The following ETNK1 variants were observed in gnomAD, a reference collection of about 807,000 sequenced individuals.
ETNK1 encodes the protein putative protein product of Nbla10396.
In ETNK1, 8 loss-of-function variants were observed where a neutral mutation model predicts 45.1. The ratio of observed to expected loss-of-function variants is 0.18; its 90% CI spans 0.10 to 0.32. The LOEUF (loss-of-function observed/expected upper bound fraction) is 0.32, where lower values mean the gene tolerates loss of function less well. Among genes scored for constraint, ETNK1 ranks in the 10% least tolerant of loss-of-function variants. The probability of loss-of-function intolerance (pLI) is 1.00; values close to 1 mark genes in which losing one functional copy is unlikely to be tolerated. For synonymous variants in ETNK1, 152 were observed against 151.9 expected (o/e 1.00, Z -0.01); for missense variants, 302 against 430.6 (o/e 0.70, Z 2.64).
chr12:22,665,001 A>G (rs1159107063), intron 4 of ETNK1, among the ~76,000 whole-genome samples: 1 of 152,168 alleles, frequency 6.6e-6, no homozygotes, highest in Non-Finnish European at 1.5e-5. Flanking sequence ...GTCTCTACAT[A>G]TATGTTTAAA....
At chr12:22,642,081 T>C (rs889356068) in intron 1 of ETNK1, among the ~76,000 whole-genome samples, 2 of 152,184 alleles carry the variant, frequency 1.3e-5, no homozygotes, top group Admixed American at 6.5e-5. Flanking sequence ...ATACGAGTTC[T>C]AGTGTTTAAG....
At chr12:22,639,482 G>T (rs1488527225) in intron 1 of ETNK1, among the ~76,000 whole-genome samples, 1 of 152,112 alleles carries the variant, frequency 6.6e-6, no homozygotes, top group Non-Finnish European at 1.5e-5. Context: ...CTCTAGACCA[G>T]CCTGGCCAAC....
chr12:22,678,679 G>A (rs1319228243), intron 6 of ETNK1, among the ~76,000 whole-genome samples: 1 of 152,226 alleles, frequency 6.6e-6, no homozygotes, highest in East Asian at 1.9e-4. Flanking sequence ...GATGAAAGCA[G>A]GAGAGGATTG....
In ETNK1 at chr12:22,643,907, C is replaced by G. The variant is rs1227016117; in HGVS notation, c.301C>G (p.Gln101Glu). The change falls in exon 2 of 8, where the codon CAG (glutamine) becomes GAG (glutamate). Residue 101 changes from glutamine to glutamate, a missense_variant. Transcript: ENST00000266517. ...DEEVKSFRVL[Q>E]AHGCAPQLYC... Reference sequence around the variant, plus strand: ...GGAAGTAAAGAGTTTTCGAGTGTTGCAGGCTCATGGGTGTGCACCACAACT... The same window carrying G: ...GGAAGTAAAGAGTTTTCGAGTGTTGGAGGCTCATGGGTGTGCACCACAACT... 3.1e-6 allele frequency: 5 copies of G among 1,613,318 alleles called. No homozygotes were observed. The highest frequency in any genetic ancestry group is 4.2e-6 in the Non-Finnish European group (5 of 1,179,540).
At chr12:22,659,227 T>C in intron 3 of ETNK1, 73 bp downstream of exon 3, 2 of 1,407,850 alleles carry the variant, frequency 1.4e-6, no homozygotes, top group African/African-American at 1.4e-5. Flanking sequence ...AAGGTAATTG[T>C]AAAGTTTCAT....
chr12:22,667,795 CAT>C (rs1366341896), intron 4 of ETNK1, among the ~76,000 whole-genome samples: 2 of 152,094 alleles, frequency 1.3e-5, no homozygotes, highest in African/African-American at 4.8e-5. Context: ...ACAAACATGT[CAT>C]GTGATAATTA....
chr12:22,626,472 C>G (rs1231264022), intron 1 of ETNK1, among the ~76,000 whole-genome samples: 1 of 151,930 alleles, frequency 6.6e-6, no homozygotes, highest in Non-Finnish European at 1.5e-5. Context: ...GGGATTTGTT[C>G]TAAATCTGAG....
At chr12:22,669,350 C>T (rs1378756182) in intron 4 of ETNK1, among the ~76,000 whole-genome samples, 1 of 151,810 alleles carries the variant, frequency 6.6e-6, no homozygotes, top group Non-Finnish European at 1.5e-5. Flanking sequence ...AAAAAAGTCA[C>T]TTGTCTATCA....
chr12:22,650,883 T>A (rs1341667875), intron 2 of ETNK1, among the ~76,000 whole-genome samples: 1 of 152,176 alleles, frequency 6.6e-6, no homozygotes, highest in African/African-American at 2.4e-5. Flanking sequence ...ATTTGATTTG[T>A]TTATAGTTGT....
At chr12:22,668,276 T>C (rs1283304602) in intron 4 of ETNK1, among the ~76,000 whole-genome samples, 5 of 152,220 alleles carry the variant, frequency 3.3e-5, no homozygotes, top group Admixed American at 3.3e-4. Context: ...AGCTAGTTAA[T>C]TATTAATGCT....
intron 2 of ETNK1, among the ~76,000 whole-genome samples, chr12:22,651,376 T>G (rs1953872390): frequency 6.6e-6 from 1 of 152,208 alleles, no homozygotes; most frequent in South Asian, 2.1e-4. Context: ...AGCCCTTTTC[T>G]ACTGGCACAG....
intron 1 of ETNK1, among the ~76,000 whole-genome samples, chr12:22,634,794 A>G (rs537025372): frequency 9.2e-5 from 14 of 152,262 alleles, no homozygotes; most frequent in African/African-American, 3.1e-4. Context: ...AGTTCAAGTA[A>G]TCTGCTCACC....
At chr12:22,673,958 A>G (rs1954136635) in intron 6 of ETNK1, among the ~76,000 whole-genome samples, 2 of 152,202 alleles carry the variant, frequency 1.3e-5, no homozygotes. Context: ...TTGATGCATA[A>G]AACAATTTCT....
At chr12:22,632,313 C>A (rs958009570) in intron 1 of ETNK1, among the ~76,000 whole-genome samples, 1 of 151,892 alleles carries the variant, frequency 6.6e-6, no homozygotes, top group Non-Finnish European at 1.5e-5. Flanking sequence ...ATTTTTATTA[C>A]CTTCTACTTC....
intron 4 of ETNK1, 161 bp from the exon 5 acceptor site, chr12:22,671,111 A>G (rs1954102916): frequency 1.7e-6 from 1 of 600,978 alleles, no homozygotes; most frequent in Admixed American, 3.6e-5. Context: ...GCTCATTGCC[A>G]TAAAATTCAC....
intron 6 of ETNK1, among the ~76,000 whole-genome samples, chr12:22,676,349 G>T (rs949153261): frequency 2.6e-5 from 4 of 152,174 alleles, no homozygotes; most frequent in Middle Eastern, 3.4e-3. Flanking sequence ...CATCGTTTTT[G>T]ATGGCTGTTT....
chr12:22,670,204 T>G (rs1420230519), intron 4 of ETNK1, among the ~76,000 whole-genome samples: 1 of 152,144 alleles, frequency 6.6e-6, no homozygotes, highest in Non-Finnish European at 1.5e-5. Flanking sequence ...GACCGGGAAT[T>G]TGTTCTCCTA....
chr12:22,632,051 T>TC (rs773996153), intron 1 of ETNK1, among the ~76,000 whole-genome samples: 2 of 150,934 alleles, frequency 1.3e-5, no homozygotes, highest in African/African-American at 2.4e-5. Context: ...GATCTCTCCC[T>TC]CCCTCTAGTG....
Position 22,673,511 on chromosome 12 carries a change from G to A in ETNK1, c.796G>A (p.Val266Ile). The A allele has an allele frequency of 6.2e-7, 1 of 1,607,322 alleles. No individual in the cohort carries two copies. The highest frequency in any genetic ancestry group is 8.5e-7 in the Non-Finnish European group (1 of 1,176,382). The change falls in exon 6 of 8, where the codon GTA (valine) becomes ATA (isoleucine). Residue 266 changes from valine to isoleucine, a missense_variant. This residue lies in a region of ETNK1 where 94 missense variants were observed against 152.9 expected (regional missense o/e 0.61). Transcript: ENST00000266517. ...HFNEFAGVSDVDYSLYPDREL... is the reference protein window; with the variant it reads ...HFNEFAGVSDIDYSLYPDREL... ...TTTTTCTTCTAAAGGTGTGAGTGAT[G>A]TAGACTATAGTCTGTATCCAGATAG...
Sources: allele counts gnomAD v4.1 joint callset (sites outside exome capture counted in the v4.1 genomes callset), GRCh38; gene constraint gnomAD v4.1.1; regional missense constraint gnomAD v4.1.1; transcripts MANE v1.5; gene names NCBI Gene and HGNC (gene_info 2026-07-23, HGNC 2026-07-21).